PUDP: variants seen among roughly 807,000 people sequenced by gnomAD.
PUDP encodes the protein pseudouridine 5'-phosphatase.
A neutral mutation model predicts 9.4 loss-of-function variants in PUDP; 8 were observed. The ratio of observed to expected loss-of-function variants is 0.85; its 90% CI spans 0.50 to 1.53. The LOEUF (loss-of-function observed/expected upper bound fraction) is 1.53, where lower values mean the gene tolerates loss of function less well. Ranked by LOEUF, PUDP falls within the 40% of genes most tolerant of loss-of-function variation. The pLI is 0.00. For missense variants in PUDP, 188 were observed against 189.7 expected, an observed-to-expected ratio of 0.99 and a Z score of 0.05; for synonymous variants, 99 against 80.7, an observed-to-expected ratio of 1.23 and a Z score of -1.22.
At chrX:7,058,642 A>C (rs1455805839) in intron 3 of PUDP, among the ~76,000 whole-genome samples, 1 of 112,573 alleles carries the variant, frequency 8.9e-6, no homozygotes, top group East Asian at 2.8e-4. Flanking sequence ...TGATCTGTAA[A>C]TAAGTACCAC....
At chrX:6,985,512 C>T (rs1190317914) in intron 1 of PUDP, among the ~76,000 whole-genome samples, 2 of 110,766 alleles carry the variant, frequency 1.8e-5, no homozygotes, top group Admixed American at 9.6e-5. Flanking sequence ...ATAGGTCCTG[C>T]TAAGAATTAC....
At chrX:7,136,287 G>A (rs140364179) in intron 1 of PUDP, among the ~76,000 whole-genome samples, 4,520 of 112,201 alleles carry the variant, frequency 0.04, 99 homozygotes, top group Non-Finnish European at 0.062. Flanking sequence ...GACGTGACAT[G>A]CTGCTTTCTG....
At chrX:6,925,796 G>C (rs1467176254) in intron 3 of PUDP, among the ~76,000 whole-genome samples, 1 of 111,733 alleles carries the variant, frequency 8.9e-6, no homozygotes, top group Non-Finnish European at 1.9e-5. Context: ...TTGCAGCTGG[G>C]TAAAGCAGTA....
intron 1 of PUDP, among the ~76,000 whole-genome samples, chrX:7,037,782 A>G (rs1427478659): frequency 8.9e-6 from 1 of 112,486 alleles, no homozygotes; most frequent in Non-Finnish European, 1.9e-5. Flanking sequence ...CTTCTTTCAA[A>G]TTCATTCCTT....
chrX:7,101,147 A>C (rs1034196746), intron 2 of PUDP, among the ~76,000 whole-genome samples: 15 of 112,198 alleles, frequency 1.3e-4, no homozygotes, highest in African/African-American at 4.9e-4. Context: ...TGGCATGTAG[A>C]TATGATCATT....
intron 3 of PUDP, among the ~76,000 whole-genome samples, chrX:6,762,442 A>T (rs1489147009): frequency 8.9e-6 from 1 of 111,905 alleles, no homozygotes; most frequent in African/African-American, 3.3e-5. Context: ...TATAATGAAT[A>T]TGTTTAATAT....
intron 1 of PUDP, among the ~76,000 whole-genome samples, chrX:7,004,817 T>C (rs902732879): frequency 8.9e-6 from 1 of 112,006 alleles, no homozygotes; most frequent in Non-Finnish European, 1.9e-5. Context: ...GCAGCTTATC[T>C]GGATTCATTC....
chrX:6,737,770 A>G (rs1015104121), intron 3 of PUDP, among the ~76,000 whole-genome samples: 36 of 111,361 alleles, frequency 3.2e-4, no homozygotes, highest in African/African-American at 1.1e-3. Context: ...CACCCACCCC[A>G]TTTCCTGTTT....
At chrX:7,031,069 G>A (rs969854435) in intron 1 of PUDP, among the ~76,000 whole-genome samples, 2 of 111,095 alleles carry the variant, frequency 1.8e-5, no homozygotes, top group African/African-American at 6.6e-5. Flanking sequence ...CTGTCATGGC[G>A]CTGGTGGGAA....
In PUDP at chrX:6,908,351, T is replaced by C. The variant is rs1400478148; in HGVS notation, c.*247+68782A>G. On this transcript the variant is annotated intron_variant and NMD_transcript_variant, in intron 3 of 3. Coordinates refer to the PUDP transcript ENST00000655425. ...GGCTGCCCCTCTTTTCTGATGCCAA[T>C]TGCAAGCTCAAAGGTCCCTAAGAGC... Among the ~76,000 whole-genome samples, 3 of 112,446 alleles carry C rather than the reference T, an allele frequency of 2.7e-5. 1 individual carries two copies. In the South Asian group the frequency reaches 1.1e-3, roughly 42 times the overall value.
At chrX:7,071,268 T>A (rs1226201741) in intron 3 of PUDP, among the ~76,000 whole-genome samples, 2 of 111,430 alleles carry the variant, frequency 1.8e-5, no homozygotes, top group Non-Finnish European at 3.8e-5. Context: ...CATTACTTAT[T>A]TTTTTCTAAT....
chrX:6,950,264 G>C (rs1928530236), intron 3 of PUDP, among the ~76,000 whole-genome samples: 1 of 100,773 alleles, frequency 9.9e-6, no homozygotes, highest in African/African-American at 3.6e-5. Flanking sequence ...CTTGAACCAG[G>C]GAGGTGGAGG....
intron 1 of PUDP, among the ~76,000 whole-genome samples, chrX:6,718,340 CT>C (rs1602597554): frequency 8.9e-6 from 1 of 112,079 alleles, no homozygotes; most frequent in African/African-American, 3.2e-5. Flanking sequence ...ATGGAACCAA[CT>C]TAAGTGTCCA....
chrX:6,954,168 C>T (rs1028136973), intron 3 of PUDP, among the ~76,000 whole-genome samples: 3 of 111,248 alleles, frequency 2.7e-5, no homozygotes, highest in Admixed American at 9.6e-5. Context: ...TACCCAGTCT[C>T]GGTATGTCTT....
intron 1 of PUDP, among the ~76,000 whole-genome samples, chrX:7,038,771 G>GA (rs1443121119): frequency 3.6e-5 from 4 of 111,523 alleles, no homozygotes; most frequent in African/African-American, 9.8e-5. Context: ...GAAATTATAG[G>GA]AAAAAAGTCA....
intron 3 of PUDP, among the ~76,000 whole-genome samples, chrX:6,927,704 C>T (rs1928126554): frequency 1.8e-5 from 2 of 111,520 alleles, no homozygotes; most frequent in African/African-American, 6.5e-5. Context: ...AACGCATATA[C>T]ACAGGAGCCT....
chrX:6,799,697 C>T (rs1045043390), intron 3 of PUDP, among the ~76,000 whole-genome samples: 1 of 111,357 alleles, frequency 9.0e-6, no homozygotes, highest in East Asian at 2.8e-4. Context: ...ATTAGCCAGA[C>T]GTGGTGGTGC....
chrX:6,900,511 G>A (rs1014836805), intron 3 of PUDP, among the ~76,000 whole-genome samples: 2 of 109,186 alleles, frequency 1.8e-5, no homozygotes, highest in Non-Finnish European at 3.8e-5. Context: ...GTAAAAGAGA[G>A]AGGGAAGGAG....
intron 3 of PUDP, among the ~76,000 whole-genome samples, chrX:6,957,700 C>T (rs767974125): frequency 3.9e-4 from 44 of 111,898 alleles, no homozygotes; most frequent in African/African-American, 7.8e-4. Context: ...TAAGTAGAGG[C>T]GGAAAGAATT....
Sources: allele counts gnomAD v4.1 joint callset (sites outside exome capture counted in the v4.1 genomes callset), GRCh38; gene constraint gnomAD v4.1.1; transcripts MANE v1.5; gene names NCBI Gene and HGNC (gene_info 2026-07-23, HGNC 2026-07-21).